Variants in MAGT1 observed in about 807,000 individuals in gnomAD.
The protein encoded by MAGT1 is dolichyl-diphosphooligosaccharide--protein glycosyltransferase subunit MAGT1.
A neutral mutation model predicts 28.4 loss-of-function variants in MAGT1; 4 were observed. The ratio of observed to expected loss-of-function variants is 0.14; its 90% CI spans 0.07 to 0.32. The LOEUF (loss-of-function observed/expected upper bound fraction) is 0.32, where lower values mean the gene tolerates loss of function less well. MAGT1 is among the 10% of genes least tolerant of loss of function. The pLI is 1.00. For synonymous variants in MAGT1, 89 were observed against 89.7 expected, an observed-to-expected ratio of 0.99 and a Z score of 0.04; for missense variants, 193 against 264.5, an observed-to-expected ratio of 0.73 and a Z score of 1.88.
At chrX:77,849,074 C>CTT (rs538635480) in intron 7 of MAGT1, among the ~76,000 whole-genome samples, 2 of 97,322 alleles carry the variant, frequency 2.1e-5, no homozygotes, top group Non-Finnish European at 2.1e-5. Flanking sequence ...ATTGTGTTTT[C>CTT]TTTTTTTTTT....
chrX:77,893,330 C>T (rs2077089227), intron 1 of MAGT1, among the ~76,000 whole-genome samples: 1 of 111,437 alleles, frequency 9.0e-6, no homozygotes, highest in Non-Finnish European at 1.9e-5. Flanking sequence ...AAGATATTCT[C>T]GCATAAGTCT....
chrX:77,859,584 T>C (rs2076989642), intron 3 of MAGT1, among the ~76,000 whole-genome samples: 1 of 112,086 alleles, frequency 8.9e-6, no homozygotes, highest in Admixed American at 9.5e-5. Flanking sequence ...ATGGATATAG[T>C]GCCCAGGCAC....
At chrX:77,880,262 G>C (rs188200915) in intron 1 of MAGT1, among the ~76,000 whole-genome samples, 1 of 109,019 alleles carries the variant, frequency 9.2e-6, no homozygotes, top group East Asian at 3.0e-4. Flanking sequence ...AGGCGCGGTG[G>C]CTCACGCCTG....
chrX:77,895,256 C>T, intron 1 of MAGT1, 53 bp downstream of exon 1: 9 of 1,179,115 alleles, frequency 7.6e-6, no homozygotes, highest in Non-Finnish European at 1.0e-5. Context: ...AACAGACCCT[C>T]TTAAGCCCCA....
chrX:77,882,247 A>G (rs2077054796), intron 1 of MAGT1, among the ~76,000 whole-genome samples: 1 of 112,111 alleles, frequency 8.9e-6, no homozygotes, highest in Non-Finnish European at 1.9e-5. Flanking sequence ...CAAGACAGGG[A>G]TGCCCTCACT....
At chrX:77,857,115 C>T (rs937965323) in intron 4 of MAGT1, among the ~76,000 whole-genome samples, 1 of 111,663 alleles carries the variant, frequency 9.0e-6, no homozygotes, top group Non-Finnish European at 1.9e-5. Context: ...TTGCCAAGTA[C>T]AACTAGATAA....
intron 7 of MAGT1, among the ~76,000 whole-genome samples, chrX:77,845,640 C>A (rs1227042900): frequency 1.8e-5 from 2 of 111,502 alleles, no homozygotes; most frequent in African/African-American, 6.5e-5. Context: ...CTGGTGGTGA[C>A]AAAATCTCTC....
chrX:77,873,858 C>T (rs1456177721), intron 2 of MAGT1, among the ~76,000 whole-genome samples: 11 of 111,188 alleles, frequency 9.9e-5, no homozygotes, highest in African/African-American at 3.6e-4. Flanking sequence ...CAGAACTTAC[C>T]CCCCTCATCT....
chrX:77,839,343 C>CTT (rs1408011440), intron 8 of MAGT1, among the ~76,000 whole-genome samples: 2 of 97,195 alleles, frequency 2.1e-5, no homozygotes, highest in Admixed American at 2.3e-4. Flanking sequence ...AACAAACATT[C>CTT]TTTTTTTTTT....
intron 3 of MAGT1, among the ~76,000 whole-genome samples, chrX:77,858,037 T>C (rs1336505076): frequency 8.9e-6 from 1 of 111,877 alleles, no homozygotes; most frequent in Non-Finnish European, 1.9e-5. Flanking sequence ...ATGATATATT[T>C]GAGAAGACAA....
chrX:77,829,030 C>A lies in MAGT1; in HGVS notation c.*190G>T. The A allele has an allele frequency of 5.3e-6, 2 of 380,580 alleles. No homozygotes were observed. Among genetic ancestry groups the A allele is most frequent in the Non-Finnish European group, 4.7e-6 (1 of 211,478 alleles). 31.4% of individuals were successfully genotyped at this position (380,580 alleles called of 1,213,427 possible). On this transcript the variant is annotated 3_prime_UTR_variant, in exon 10 of 10. Coordinates refer to ENST00000618282, the MANE Select transcript of MAGT1 (RefSeq NM_001367916.1). The stretch of plus-strand genomic sequence containing the variant: ...TTAAGAGGATAATTATTTTCAAATA[C>A]CTCAGATTTTGACAGAGGATTGCTT...
At chrX:77,836,779 C>T (rs2076919901) in intron 8 of MAGT1, among the ~76,000 whole-genome samples, 2 of 110,674 alleles carry the variant, frequency 1.8e-5, no homozygotes, top group East Asian at 5.7e-4. Context: ...GCCTGTAGTC[C>T]CACCTACTAG....
intron 7 of MAGT1, among the ~76,000 whole-genome samples, chrX:77,848,026 T>C (rs1303573335): frequency 2.7e-5 from 3 of 112,284 alleles, no homozygotes; most frequent in Non-Finnish European, 3.8e-5. Flanking sequence ...TTGCTTTGAA[T>C]GAGCTTTCCT....
chrX:77,848,818 G>A (rs2076959118), intron 7 of MAGT1, among the ~76,000 whole-genome samples: 1 of 110,701 alleles, frequency 9.0e-6, no homozygotes, highest in Non-Finnish European at 1.9e-5. Flanking sequence ...ATTGAGACCA[G>A]CCTGGACGAC....
intron 1 of MAGT1, among the ~76,000 whole-genome samples, chrX:77,877,335 T>C (rs1236129288): frequency 9.4e-6 from 1 of 106,851 alleles, no homozygotes; most frequent in East Asian, 3.0e-4. Flanking sequence ...CTACTAAAAA[T>C]ACAAAATTAG....
chrX:77,837,656 G>C (rs2076923230), intron 8 of MAGT1, among the ~76,000 whole-genome samples: 1 of 112,029 alleles, frequency 8.9e-6, no homozygotes, highest in African/African-American at 3.2e-5. Context: ...CAAATTTTAA[G>C]TTCAGTATCT....
At chrX:77,841,192 ACT>A (rs1267997363) in intron 8 of MAGT1, 52 bp downstream of exon 8, 74 of 894,349 alleles carry the variant, frequency 8.3e-5, no homozygotes, top group Non-Finnish European at 1.2e-4. Flanking sequence ...TTAAGAGATC[ACT>A]CTTTTTCCAT....
At chrX:77,881,659 T>C (rs1353126541) in intron 1 of MAGT1, among the ~76,000 whole-genome samples, 1 of 111,273 alleles carries the variant, frequency 9.0e-6, no homozygotes. Flanking sequence ...TAATCCAGGC[T>C]ATCATTGTTA....
intron 8 of MAGT1, among the ~76,000 whole-genome samples, chrX:77,834,359 G>C (rs2076910307): frequency 9.7e-6 from 1 of 103,389 alleles, no homozygotes; most frequent in South Asian, 4.4e-4. Flanking sequence ...TAAAAGACAA[G>C]AGTCTTGCTC....
Sources: gnomAD v4.1 joint callset for allele counts (sites outside exome capture counted in the v4.1 genomes callset) on GRCh38, gnomAD v4.1.1 for gene constraint, MANE v1.5 for transcripts, NCBI Gene and HGNC (gene_info 2026-07-23, HGNC 2026-07-21) for gene names.